The following VAV2 variants were observed in gnomAD, a reference collection of about 807,000 sequenced individuals.
VAV2 encodes guanine nucleotide exchange factor VAV2.
VAV2 carries 67 observed loss-of-function variants against 132.5 expected under a neutral mutation model. The ratio of observed to expected loss-of-function variants is 0.51; its 90% CI spans 0.42 to 0.62. The LOEUF is 0.62. Ranked by LOEUF, VAV2 falls within the 20% of genes least tolerant of loss-of-function variation. VAV2 has a pLI of 0.00. For missense variants in VAV2, 938 were observed against 1,153.6 expected (o/e 0.81, Z 2.71); for synonymous variants, 492 against 443.5 (o/e 1.11, Z -1.37).
chr9:133,982,728 C>A (rs1032485756), intron 1 of VAV2, among the ~76,000 whole-genome samples: 1 of 152,362 alleles, frequency 6.6e-6, no homozygotes, highest in South Asian at 2.1e-4. Flanking sequence ...TGGTTTTGTA[C>A]ATCCTGCAAG....
At chr9:133,817,893 T>C (rs547622344) in intron 4 of VAV2, among the ~76,000 whole-genome samples, 100 of 152,304 alleles carry the variant, frequency 6.6e-4, no homozygotes, top group Non-Finnish European at 1.3e-3. Flanking sequence ...TGATTTTGTA[T>C]GTGAATTTGA....
chr9:133,784,833 G>A (rs1357627319), intron 17 of VAV2, among the ~76,000 whole-genome samples: 1 of 152,166 alleles, frequency 6.6e-6, no homozygotes, highest in African/African-American at 2.4e-5. Flanking sequence ...GGGCTGCACT[G>A]GTGTGCAATT....
At chr9:133,950,927 G>A (rs1447951655) in intron 1 of VAV2, among the ~76,000 whole-genome samples, 4 of 152,126 alleles carry the variant, frequency 2.6e-5, no homozygotes, top group South Asian at 2.1e-4. Context: ...AACTCCAGAC[G>A]GACCCAAGCA....
intron 2 of VAV2, among the ~76,000 whole-genome samples, chr9:133,866,532 G>T (rs921516181): frequency 6.6e-6 from 1 of 152,050 alleles, no homozygotes; most frequent in African/African-American, 2.4e-5. Flanking sequence ...GGCCAGGCGC[G>T]GTGGCTCACG....
At chr9:133,953,099 C>T (rs181251055) in intron 1 of VAV2, among the ~76,000 whole-genome samples, 405 of 152,166 alleles carry the variant, frequency 2.7e-3, no homozygotes, top group African/African-American at 7.0e-3. Context: ...GGAGGGAGCA[C>T]AGCCTGCCAA....
rs1840210499 is a variant in VAV2 at position 133,919,196 on chromosome 9, G to T, written c.321+19907C>A. On this transcript the variant is annotated intron_variant, in intron 2 of 29. Transcript: ENST00000371850. This position sits in a 1 kb window ranked among gnomAD's most constrained non-coding sequence, Gnocchi z 5.8. Reference sequence around the variant, plus strand: ...TCTCCACGCACCCCCTCACTGCTGTGCCCTGGCACCTCTGACACTCCCCAA... The same window carrying T: ...TCTCCACGCACCCCCTCACTGCTGTTCCCTGGCACCTCTGACACTCCCCAA... Among the ~76,000 whole-genome samples the T allele has an allele frequency of 6.6e-6, 1 of 152,146 alleles. No individual in the cohort carries two copies. The highest frequency in any genetic ancestry group is 2.1e-4 in the South Asian group (1 of 4,828).
rs370885685 is a variant in VAV2 at position 133,794,957 on chromosome 9, C to T, written c.1101+711G>A. On this transcript the variant is annotated intron_variant, in intron 12 of 29. Transcript: ENST00000371850. The surrounding 1 kb of genome is among the most constrained non-coding windows in gnomAD (Gnocchi z 4.6). ...CACAGTGAAGGCAGGATGAGCAGGA[C>T]GTGGCCAGGTGACGAGGAGGAGGGT... 1.5e-4 allele frequency among the ~76,000 whole-genome samples: 23 copies of T among 152,310 alleles called. No homozygotes were observed. The East Asian group carries it at 3.5e-3, about 23-fold the overall frequency.
intron 16 of VAV2, among the ~76,000 whole-genome samples, chr9:133,786,390 T>C (rs1332759638): frequency 6.8e-6 from 1 of 146,046 alleles, no homozygotes; most frequent in East Asian, 2.0e-4. Flanking sequence ...GTGGGTGCTC[T>C]CCTGTGGGTG....
rs766923789 is a variant in VAV2 at position 133,826,004 on chromosome 9, G to A, written c.449+8268C>T. On this transcript the variant is annotated intron_variant, in intron 4 of 29. Transcript: ENST00000371850. The surrounding 1 kb of genome is among the most constrained non-coding windows in gnomAD (Gnocchi z 4.2). ...ATAAAGCATGCAGCTCTACATTCGCGGATACATTACATTCCCTGCCGTGTC... is the reference window on the plus strand; with the variant it reads ...ATAAAGCATGCAGCTCTACATTCGCAGATACATTACATTCCCTGCCGTGTC... Among the ~76,000 whole-genome samples the A allele has an allele frequency of 3.3e-5, 5 of 152,168 alleles. No individual in the cohort carries two copies.
intron 2 of VAV2, among the ~76,000 whole-genome samples, chr9:133,924,549 C>A (rs1009190728): frequency 3.9e-5 from 6 of 152,194 alleles, no homozygotes; most frequent in Admixed American, 1.3e-4. Context: ...AGCCTCACCT[C>A]ATCCACGGCT....
At chr9:133,822,384 G>A (rs1001909131) in intron 4 of VAV2, among the ~76,000 whole-genome samples, 1 of 152,190 alleles carries the variant, frequency 6.6e-6, no homozygotes, top group Non-Finnish European at 1.5e-5. Context: ...TCATCCCCAG[G>A]GGACTGGGGT....
At chr9:133,797,870 G>A in intron 9 of VAV2, 61 bp from the exon 10 acceptor site, 1 of 1,508,506 alleles carries the variant, frequency 6.6e-7, no homozygotes, top group Non-Finnish European at 9.1e-7. Context: ...CGGGGCTGCA[G>A]TGAGCCCGTC....
rs1348801512 is a variant in VAV2 at position 133,918,878 on chromosome 9, C to T, written c.321+20225G>A. Among the ~76,000 whole-genome samples, 4 of 152,040 alleles carry T rather than the reference C, an allele frequency of 2.6e-5. No individual in the cohort carries two copies. Among genetic ancestry groups the T allele is most frequent in the African/African-American group, 2.4e-5 (1 of 41,398 alleles). On this transcript the variant is annotated intron_variant, in intron 2 of 29. Transcript: ENST00000371850. The surrounding 1 kb of genome is among the most constrained non-coding windows in gnomAD (Gnocchi z 4.7). ...GCAACCTCCGCCTCCTGGGTTCAAGCGATTCCCCTACCTCAGCCTCCCAAG... is the reference window on the plus strand; with the variant it reads ...GCAACCTCCGCCTCCTGGGTTCAAGTGATTCCCCTACCTCAGCCTCCCAAG...
intron 1 of VAV2, among the ~76,000 whole-genome samples, chr9:133,989,602 C>T (rs2810471): frequency 0.98 from 145,148 of 147,914 alleles, 71,225 homozygotes; most frequent in Non-Finnish European, 1. Context: ...GCAGAATCGC[C>T]TGAACCCAGG....
intron 2 of VAV2, among the ~76,000 whole-genome samples, chr9:133,873,075 T>C (rs1838122959): frequency 8.3e-6 from 1 of 120,130 alleles, no homozygotes; most frequent in African/African-American, 3.2e-5. Flanking sequence ...CTTGAGCCAC[T>C]GCACTCCAGC....
chr9:133,846,702 C>T (rs910232483), intron 3 of VAV2, among the ~76,000 whole-genome samples: 6 of 152,254 alleles, frequency 3.9e-5, no homozygotes, highest in Non-Finnish European at 7.3e-5. Context: ...GCACAGACCA[C>T]TGCATCTGAG....
Position 133,964,044 on chromosome 9 carries a change from TATATACATATATATACATATATATAA to T in VAV2, c.205-24851_205-24826del, listed in dbSNP as rs1275927424. 1.7e-3 allele frequency among the ~76,000 whole-genome samples: 158 copies of T among 94,006 alleles called. 10 individuals are homozygous for T. Among genetic ancestry groups the T allele is most frequent in the Middle Eastern group, 5.1e-3 (1 of 196 alleles). 61.7% of individuals were successfully genotyped at this position (94,006 alleles called of 152,430 possible). ...ATTCATATATATATATATATATATA[TATATACATATATATACATATATATAA>T]ATGAATAGGCCAGGTATGTTGGCTC... On this transcript the variant is annotated intron_variant, in intron 1 of 29. Coordinates refer to ENST00000371850, the MANE Select transcript of VAV2 (RefSeq NM_001134398.2).
At chr9:133,771,896 C>T (rs541565274) in intron 26 of VAV2, 63 bp downstream of exon 26, 72 of 1,463,396 alleles carry the variant, frequency 4.9e-5, no homozygotes, top group East Asian at 2.0e-4. Context: ...CGCTCAGGGC[C>T]GGGAGGAAGC....
intron 24 of VAV2, 143 bp downstream of exon 24, chr9:133,775,885 C>T: frequency 2.7e-6 from 3 of 1,130,660 alleles, no homozygotes; most frequent in Non-Finnish European, 3.6e-6. Context: ...AGCCACTGGG[C>T]TCAGTGCCCT....
Sources: gnomAD v4.1 joint callset for allele counts (sites outside exome capture counted in the v4.1 genomes callset) on GRCh38, gnomAD v4.1.1 for gene constraint, Gnocchi (gnomAD v3.1) non-coding constraint, MANE v1.5 for transcripts, NCBI Gene and HGNC (gene_info 2026-07-23, HGNC 2026-07-21) for gene names.